The following ICAM5 variants were observed in gnomAD, a reference collection of about 807,000 sequenced individuals.
ICAM5 encodes ICAM-5.
A neutral mutation model predicts 78.8 loss-of-function variants in ICAM5; 38 were observed. The ratio of observed to expected loss-of-function variants is 0.48; its 90% CI spans 0.37 to 0.63. ICAM5 has a LOEUF of 0.63. Among genes scored for constraint, ICAM5 ranks in the 30% least tolerant of loss-of-function variants. The pLI, the probability that ICAM5 is intolerant of heterozygous loss-of-function variation, is 0.00. For missense variants in ICAM5, 1,059 were observed against 1,303.0 expected (o/e 0.81, Z 2.88); for synonymous variants, 544 against 590.9 (o/e 0.92, Z 1.15).
Position 10,292,148 on chromosome 19 carries a change from T to C in ICAM5, c.787T>C (p.Tyr263His). 2 of 1,613,414 alleles carry C rather than the reference T, an allele frequency of 1.2e-6. No homozygotes were observed. The highest frequency in any genetic ancestry group is 1.1e-5 in the South Asian group (1 of 91,088). The part of the protein sequence containing the change: ...GLFPASEARV[Y>H]LALGDQNLSP... ...GTTTCCAGCCTCAGAGGCCAGGGTC[T>C]ACCTCGCACTGGGGGACCAGAATCT... Residue 263 changes from tyrosine to histidine, a missense_variant, in exon 4 of 11, where the codon TAC becomes CAC. This residue lies in a region of ICAM5 where 815 missense variants were observed against 952.8 expected (regional missense o/e 0.86). Transcript: ENST00000221980.
Position 10,293,638 on chromosome 19 carries a change from G to A in ICAM5, c.1466-60G>A. On this transcript the variant is annotated intron_variant, in intron 6 of 10. Coordinates refer to ENST00000221980, the MANE Select transcript of ICAM5 (RefSeq NM_003259.4). The surrounding 1 kb of genome is among the most constrained non-coding windows in gnomAD (Gnocchi z 5.0). The stretch of plus-strand genomic sequence containing the variant: ...TGGAAGCCTTGCCGCGCCAAGGAGG[G>A]TCTAGGGACGTCAGATTTGCCCCCA... 4 of 1,587,222 alleles carry A rather than the reference G, an allele frequency of 2.5e-6. No homozygotes were observed. Among genetic ancestry groups the A allele is most frequent in the Non-Finnish European group, 3.4e-6 (4 of 1,164,964 alleles).
chr19:10,290,233 C>A lies in ICAM5; in HGVS notation c.82+108C>A. 1 of 782,722 alleles carries A rather than the reference C, an allele frequency of 1.3e-6. No homozygotes were observed. Among genetic ancestry groups the A allele is most frequent in the Non-Finnish European group, 1.9e-6 (1 of 518,668 alleles). 48.5% of individuals were successfully genotyped at this position (782,722 alleles called of 1,614,324 possible). ...CTCTGCCCTCGCCTCGCTCCCACGC[C>A]TCTGCCCCCACCTCGAGCCTGAGTC... is the stretch of plus-strand genomic sequence containing the variant. On this transcript the variant is annotated intron_variant, in intron 1 of 10. Coordinates refer to ENST00000221980, the MANE Select transcript of ICAM5 (RefSeq NM_003259.4). The surrounding 1 kb of genome is among the most constrained non-coding windows in gnomAD (Gnocchi z 5.7).
Position 10,291,626 on chromosome 19 carries a change from C to A in ICAM5, c.490C>A (p.Leu164Met), listed in dbSNP as rs777484334. 6 of 1,611,652 alleles carry A rather than the reference C, an allele frequency of 3.7e-6. No individual in the cohort carries two copies. The South Asian group carries it at 5.5e-5, about 15-fold the overall frequency. ...GACCCTGCTGCGGGGCGCCCAGGAG[C>A]TGATCCGCCGCAGCTTCGCCGGTGA... ...TLTLLRGAQE[L>M]IRRSFAGEPP... The change falls in exon 3 of 11, where the codon CTG becomes ATG. Residue 164 changes from leucine (L) to methionine (M), a missense_variant. This residue lies in a region of ICAM5 where 815 missense variants were observed against 952.8 expected (regional missense o/e 0.86). Coordinates refer to ENST00000221980, the MANE Select transcript of ICAM5 (RefSeq NM_003259.4).
At position 10,294,694 on chromosome 19, in the gene ICAM5, G is replaced by C. The variant is rs879574971; in HGVS notation, c.2230+54G>C. ...GACACGGTCCTCGGAAGAATGACTCGCAGCGGTGGGAGCATTCAAGGGCAC... is the reference window on the plus strand; with the variant it reads ...GACACGGTCCTCGGAAGAATGACTCCCAGCGGTGGGAGCATTCAAGGGCAC... On this transcript the variant is annotated intron_variant, in intron 9 of 10. Transcript: ENST00000221980. The surrounding 1 kb of genome is among the most constrained non-coding windows in gnomAD (Gnocchi z 7.7). The C allele has an allele frequency of 3.1e-6, 5 of 1,607,172 alleles. No homozygotes were observed. Among genetic ancestry groups the C allele is most frequent in the Admixed American group, 3.4e-5 (2 of 58,008 alleles).
chr19:10,292,993 C>T lies in ICAM5; in HGVS notation c.1217-5C>T, dbSNP rs758377916. The T allele has an allele frequency of 3.7e-6, 6 of 1,611,022 alleles. No homozygotes were observed. Among genetic ancestry groups the T allele is most frequent in the Admixed American group, 3.3e-5 (2 of 59,980 alleles). ...AGCCTCTGTAACCCCACGCCCTGCC[C>T]GCAGACGCTCCCCGGCTAGACGATT... On this transcript the variant is annotated splice_polypyrimidine_tract_variant and splice_region_variant and intron_variant, in intron 5 of 10. Transcript: ENST00000221980.
chr19:10,293,380 G>A lies in ICAM5; in HGVS notation c.1465+134G>A, dbSNP rs1262147990. The A allele has an allele frequency of 1.8e-5, 23 of 1,248,888 alleles. No homozygotes were observed. The highest frequency in any genetic ancestry group is 2.5e-5 in the Non-Finnish European group (23 of 913,334). The allele number at this position is 1,248,888 out of a possible 1,614,324, so 77.4% of individuals were successfully genotyped here. ...TTTGGGAAAGGGAAGAGGCTGGTTAGTGGGGTTGGAGAAAGATCTTGGAGG... is the reference window on the plus strand; with the variant it reads ...TTTGGGAAAGGGAAGAGGCTGGTTAATGGGGTTGGAGAAAGATCTTGGAGG... On this transcript the variant is annotated intron_variant, in intron 6 of 10. Coordinates refer to ENST00000221980, the MANE Select transcript of ICAM5 (RefSeq NM_003259.4). The surrounding 1 kb of genome is among the most constrained non-coding windows in gnomAD (Gnocchi z 5.0).
At position 10,294,011 on chromosome 19, in the gene ICAM5, G is replaced by T; in HGVS notation, c.1712-29G>T. On this transcript the variant is annotated intron_variant, in intron 7 of 10. Coordinates refer to ENST00000221980, the MANE Select transcript of ICAM5 (RefSeq NM_003259.4). The surrounding 1 kb of genome is among the most constrained non-coding windows in gnomAD (Gnocchi z 7.7). Reference sequence around the variant, plus strand: ...ACCCCGGCTGGACTTCCTGGCCCCCGTGTGAGCCCCTGCAATCCTGTTTCC... The same window carrying T: ...ACCCCGGCTGGACTTCCTGGCCCCCTTGTGAGCCCCTGCAATCCTGTTTCC... 6.3e-7 allele frequency: 1 copy of T among 1,589,128 alleles called. No individual in the cohort carries two copies. The highest frequency in any genetic ancestry group is 1.3e-5 in the African/African-American group (1 of 74,596).
At chr19:10,291,372 A>G in intron 2 of ICAM5, 31 bp downstream of exon 2, 1 of 1,607,002 alleles carries the variant, frequency 6.2e-7, no homozygotes. Context: ...CGCGTACTCC[A>G]CTACTCTCCC....
chr19:10,294,661 A>G lies in ICAM5; in HGVS notation c.2230+21A>G. 2 of 1,612,314 alleles carry G rather than the reference A, an allele frequency of 1.2e-6. No individual in the cohort carries two copies. Among genetic ancestry groups the G allele is most frequent in the Non-Finnish European group, 1.7e-6 (2 of 1,179,732 alleles). ...GGAATGTGAGTGGGGGCAGCACCGG[A>G]TGGAGGGGACACGGTCCTCGGAAGA... On this transcript the variant is annotated intron_variant, in intron 9 of 10. Coordinates refer to ENST00000221980, the MANE Select transcript of ICAM5 (RefSeq NM_003259.4). The surrounding 1 kb of genome is among the most constrained non-coding windows in gnomAD (Gnocchi z 7.7).
Position 10,293,786 on chromosome 19 carries a change from G to T in ICAM5, c.1554G>T (p.Gly518=). Residue 518 remains glycine (G), a synonymous_variant, in exon 7 of 11, where the codon GGG becomes GGT. Coordinates refer to ENST00000221980, the MANE Select transcript of ICAM5 (RefSeq NM_003259.4). The surrounding 1 kb of genome is among the most constrained non-coding windows in gnomAD (Gnocchi z 5.0). ...TEASLSCVAH[G]VPPPDVICVR... ...CCTCGCTGAGCTGTGTGGCGCACGG[G>T]GTACCGCCGCCTGATGTGATCTGCG... 1.2e-6 allele frequency: 2 copies of T among 1,613,834 alleles called. No homozygotes were observed. The highest frequency in any genetic ancestry group is 1.7e-6 in the Non-Finnish European group (2 of 1,180,028).
In ICAM5 at chr19:10,291,492, G is replaced by C; in HGVS notation, c.356G>C (p.Arg119Pro). Residue 119 changes from arginine to proline, a missense_variant, in exon 3 of 11, where the codon CGA (arginine) becomes CCA (proline). Coordinates refer to ENST00000221980, the MANE Select transcript of ICAM5 (RefSeq NM_003259.4). ...QARGLIRTFQ[R>P]PDRVELMPLP... ...TGCGGACTCTTCCCCCTTGCAGAGC[G>C]ACCAGATCGCGTAGAGCTGATGCCG... 1 of 1,612,310 alleles carries C rather than the reference G, an allele frequency of 6.2e-7. No homozygotes were observed. The highest frequency in any genetic ancestry group is 8.5e-7 in the Non-Finnish European group (1 of 1,179,836).
rs771480339 is a variant in ICAM5, at chr19:10,291,644, G to T, written c.508G>T (p.Ala170Ser). ...CCAGGAGCTGATCCGCCGCAGCTTC[G>T]CCGGTGAACCACCCCGAGCGCGGGG... ...GAQELIRRSF[A>S]GEPPRARGAV... Residue 170 changes from alanine to serine, a missense_variant, in exon 3 of 11, where the codon GCC (alanine) becomes TCC (serine). Ala to Ser is a moderately conservative substitution (Grantham distance 99). Around this residue, in one of 3 missense-constraint regions of ICAM5, gnomAD observed 815 missense variants for 952.8 expected, o/e 0.86. Coordinates refer to ENST00000221980, the MANE Select transcript of ICAM5 (RefSeq NM_003259.4). 8.1e-6 allele frequency: 13 copies of T among 1,611,630 alleles called. No individual in the cohort carries two copies. The South Asian group carries it at 1.2e-4, about 15-fold the overall frequency.
In ICAM5 at chr19:10,290,204, C is replaced by G; in HGVS notation, c.82+79C>G. ...CCTGAGAAACGGCCTCCTGTCCCTCCCAGCTCTGCCCTCGCCTCGCTCCCA... is the reference window on the plus strand; with the variant it reads ...CCTGAGAAACGGCCTCCTGTCCCTCGCAGCTCTGCCCTCGCCTCGCTCCCA... On this transcript the variant is annotated intron_variant, in intron 1 of 10. Transcript: ENST00000221980. The surrounding 1 kb of genome is among the most constrained non-coding windows in gnomAD (Gnocchi z 5.7). The G allele has an allele frequency of 9.4e-7, 1 of 1,067,684 alleles. No homozygotes were observed. Among genetic ancestry groups the G allele is most frequent in the Non-Finnish European group, 1.3e-6 (1 of 766,940 alleles). The allele number at this position is 1,067,684 out of a possible 1,614,324, so 66.1% of individuals were successfully genotyped here.
Position 10,295,353 on chromosome 19 carries a change from A to T in ICAM5, c.2238A>T (p.Pro746=). ...ACCTTCTGTGCCCTTCAGACCGGCC[A>T]GTGGTGGCCGAACTTGCTGCCTCGC... ...RTVTVGVEYR[P]VVAELAASPP... is the part of the protein sequence containing the mutation. The change falls in exon 10 of 11, where the codon CCA becomes CCT. Residue 746 remains proline, a synonymous_variant. Coordinates refer to ENST00000221980, the MANE Select transcript of ICAM5 (RefSeq NM_003259.4). 6.4e-7 allele frequency: 1 copy of T among 1,559,766 alleles called. No individual in the cohort carries two copies. The highest frequency in any genetic ancestry group is 2.3e-5 in the East Asian group (1 of 44,346).
In ICAM5 at chr19:10,293,336, G is replaced by T; in HGVS notation, c.1465+90G>T. 3.4e-6 allele frequency: 5 copies of T among 1,475,728 alleles called. No individual in the cohort carries two copies. Among genetic ancestry groups the T allele is most frequent in the Non-Finnish European group, 4.5e-6 (5 of 1,099,900 alleles). 91.4% of individuals were successfully genotyped at this position (1,475,728 alleles called of 1,614,324 possible). A position where few individuals can be genotyped will look rare whatever the true frequency, so the allele number is the denominator to read the frequency against. ...GGGAAGAGTAGGAGTAGGGTATGAG[G>T]TGTCCCTTTGGGTGAGGTTTTGGGA... On this transcript the variant is annotated intron_variant, in intron 6 of 10. Coordinates refer to ENST00000221980, the MANE Select transcript of ICAM5 (RefSeq NM_003259.4). The surrounding 1 kb of genome is among the most constrained non-coding windows in gnomAD (Gnocchi z 5.0).
Position 10,296,492 on chromosome 19 carries a change from TGAA to T in ICAM5, c.2652_2654del (p.Asn885del). 1.6e-6 allele frequency: 2 copies of T among 1,261,408 alleles called. No homozygotes were observed. Among genetic ancestry groups the T allele is most frequent in the Non-Finnish European group, 2.0e-6 (2 of 986,316 alleles). 78.1% of individuals were successfully genotyped at this position (1,261,408 alleles called of 1,614,324 possible). A position where few individuals can be genotyped will look rare whatever the true frequency, so the allele number is the denominator to read the frequency against. On this transcript the variant is annotated inframe_deletion, in exon 11 of 11. Coordinates refer to ENST00000221980, the MANE Select transcript of ICAM5 (RefSeq NM_003259.4). Reference sequence around the variant, plus strand: ...GAGAGCTCAGGCGAGGCCGTGTGTCTGAACGGAGCGGGCGGCGGCGCTGGCGGG... The same window carrying T: ...GAGAGCTCAGGCGAGGCCGTGTGTCTCGGAGCGGGCGGCGGCGCTGGCGGG...
In ICAM5 at chr19:10,294,791, C is replaced by G. The variant is rs942578830; in HGVS notation, c.2230+151C>G. 8.3e-7 allele frequency: 1 copy of G among 1,205,838 alleles called. No individual in the cohort carries two copies. Among genetic ancestry groups the G allele is most frequent in the Non-Finnish European group, 1.1e-6 (1 of 873,390 alleles). The allele number at this position is 1,205,838 out of a possible 1,614,324, so 74.7% of individuals were successfully genotyped here. A position where few individuals can be genotyped will look rare whatever the true frequency, so the allele number is the denominator to read the frequency against. On this transcript the variant is annotated intron_variant, in intron 9 of 10. Transcript: ENST00000221980. This position sits in a 1 kb window ranked among gnomAD's most constrained non-coding sequence, Gnocchi z 7.7. ...GGGGGTAATGAAAATTCTAGCCAGGCGCAGTGGCTCAGGTCTGTAATCCCA... is the reference window on the plus strand; with the variant it reads ...GGGGGTAATGAAAATTCTAGCCAGGGGCAGTGGCTCAGGTCTGTAATCCCA...
At position 10,294,303 on chromosome 19, in the gene ICAM5, G is replaced by T. The variant is rs1341637526; in HGVS notation, c.1975G>T (p.Val659Phe). The change falls in exon 8 of 11, where the codon GTC (valine) becomes TTC (phenylalanine). Residue 659 changes from valine (V) to phenylalanine (F), a missense_variant. Val to Phe is a conservative substitution (Grantham distance 50). This residue lies in a region of ICAM5 where 815 missense variants were observed against 952.8 expected (regional missense o/e 0.86). Transcript: ENST00000221980. The surrounding 1 kb of genome is among the most constrained non-coding windows in gnomAD (Gnocchi z 7.7). Reference sequence around the variant, plus strand: ...CCACGGCTCCGTGGCCAAAACAGTCGTCGTGAGCGCGGAGTGTGAGCGAGG... The same window carrying T: ...CCACGGCTCCGTGGCCAAAACAGTCTTCGTGAGCGCGGAGTGTGAGCGAGG... ...NRHGSVAKTVVVSAESPPEMD... is the reference protein window; with the variant it reads ...NRHGSVAKTVFVSAESPPEMD... The T allele has an allele frequency of 6.2e-7, 1 of 1,612,936 alleles. No individual in the cohort carries two copies. Among genetic ancestry groups the T allele is most frequent in the Non-Finnish European group, 8.5e-7 (1 of 1,179,768 alleles).
rs759445262 is a variant in ICAM5 at position 10,293,930 on chromosome 19, C to T, written c.1698C>T (p.Ala566=). Residue 566 remains alanine, a synonymous_variant, in exon 7 of 11, where the codon GCC becomes GCT. Coordinates refer to ENST00000221980, the MANE Select transcript of ICAM5 (RefSeq NM_003259.4). The surrounding 1 kb of genome is among the most constrained non-coding windows in gnomAD (Gnocchi z 5.0). ...NPRGSAAKNV[A]VTVEYGPRFE... ...GGGGCTCTGCGGCCAAAAATGTGGC[C>T]GTCACGGTGGAATGTGAGTAGGGGC... is the stretch of plus-strand genomic sequence containing the variant. 11 of 1,612,012 alleles carry T rather than the reference C, an allele frequency of 6.8e-6. No individual in the cohort carries two copies. The highest frequency in any genetic ancestry group is 9.3e-6 in the Non-Finnish European group (11 of 1,179,744).
Sources: allele counts gnomAD v4.1 joint callset, GRCh38; gene constraint gnomAD v4.1.1; regional missense constraint gnomAD v4.1.1; non-coding constraint Gnocchi (gnomAD v3.1); transcripts MANE v1.5; gene names NCBI Gene and HGNC (gene_info 2026-07-23, HGNC 2026-07-21).